The following PPARGC1A variants were observed in gnomAD, a reference collection of about 807,000 sequenced individuals.
The protein encoded by PPARGC1A is peroxisome proliferator-activated receptor gamma coactivator 1-alpha.
A neutral mutation model predicts 88.7 loss-of-function variants in PPARGC1A; 25 were observed. That is an observed-to-expected ratio of 0.28 (90% confidence interval 0.21 to 0.39). PPARGC1A has a LOEUF of 0.39. PPARGC1A is among the 10% of genes least tolerant of loss of function. The pLI is 1.00. For synonymous variants in PPARGC1A, 363 were observed against 355.6 expected (o/e 1.02, Z -0.24); for missense variants, 880 against 968.7 (o/e 0.91, Z 1.22).
chr4:24,471,839 C>A, the PPARGC1A span, among the ~76,000 whole-genome samples: 2 of 152,218 alleles, frequency 1.3e-5, no homozygotes, highest in African/African-American at 2.4e-5. The surrounding 1 kb of genome is among the most constrained non-coding windows in gnomAD (Gnocchi z 5.4). Flanking sequence ...ACCCCCCCCA[C>A]CTCCGCGGGT....
At chr4:24,096,046 G>A in the PPARGC1A span, among the ~76,000 whole-genome samples, 1,218 of 152,232 alleles carry the variant, frequency 8.0e-3, 11 homozygotes, top group Middle Eastern at 0.048. Flanking sequence ...TTGGAGGAGG[G>A]GCCTGGTAGG....
At chr4:23,942,917 C>T in the PPARGC1A span, among the ~76,000 whole-genome samples, 2 of 152,128 alleles carry the variant, frequency 1.3e-5, no homozygotes, top group African/African-American at 4.8e-5. Context: ...TTTCTCAGCA[C>T]AAAAAGTCAT....
the PPARGC1A span, among the ~76,000 whole-genome samples, chr4:24,203,709 C>T: frequency 2.0e-5 from 3 of 152,334 alleles, no homozygotes; most frequent in East Asian, 5.8e-4. Flanking sequence ...CAATGATGAA[C>T]CCCATTGTGA....
chr4:24,309,141 GA>G, the PPARGC1A span, among the ~76,000 whole-genome samples: 37,827 of 150,064 alleles, frequency 0.25, 5,345 homozygotes, highest in South Asian at 0.33. Flanking sequence ...AGTGTGGAAA[GA>G]AAAAAAAAGA....
At chr4:23,940,329 C>G in the PPARGC1A span, among the ~76,000 whole-genome samples, 1 of 152,062 alleles carries the variant, frequency 6.6e-6, no homozygotes, top group African/African-American at 2.4e-5. Context: ...CTACATGGAA[C>G]GCAGAAGAGA....
chr4:24,395,580 G>A, the PPARGC1A span, among the ~76,000 whole-genome samples: 1 of 152,276 alleles, frequency 6.6e-6, no homozygotes, highest in African/African-American at 2.4e-5. Context: ...GACAAAATGT[G>A]GAATTATCTA....
the PPARGC1A span, among the ~76,000 whole-genome samples, chr4:24,114,201 C>T: frequency 6.6e-6 from 1 of 151,424 alleles, no homozygotes; most frequent in South Asian, 2.1e-4. Context: ...ATGAACAAAC[C>T]CTGGGACCAC....
chr4:24,197,505 C>T, the PPARGC1A span, among the ~76,000 whole-genome samples: 37 of 152,318 alleles, frequency 2.4e-4, no homozygotes, highest in Non-Finnish European at 4.9e-4. Context: ...CACACCTTGA[C>T]AATCTGTCTT....
At chr4:23,901,369 C>CA (rs766239228), upstream of PPARGC1A, among the ~76,000 whole-genome samples, 1,101 of 71,618 alleles carry the variant, frequency 0.015, 28 homozygotes, top group African/African-American at 0.048. Flanking sequence ...GACTCCGTCT[C>CA]AAAAAAAAAA....
the PPARGC1A span, among the ~76,000 whole-genome samples, chr4:24,154,718 T>C: frequency 6.6e-6 from 1 of 152,298 alleles, no homozygotes; most frequent in South Asian, 2.1e-4. Flanking sequence ...ATGTGGGAGC[T>C]GGGAATTCAA....
At chr4:24,437,558 G>T in the PPARGC1A span, among the ~76,000 whole-genome samples, 3 of 152,124 alleles carry the variant, frequency 2.0e-5, no homozygotes, top group African/African-American at 7.2e-5. Context: ...GAAGGACTTT[G>T]AGTTAATTCT....
At chr4:23,927,914 T>C in the PPARGC1A span, among the ~76,000 whole-genome samples, 2 of 152,176 alleles carry the variant, frequency 1.3e-5, no homozygotes, top group African/African-American at 2.4e-5. Flanking sequence ...CCAATCAGAA[T>C]GCATCCTAGG....
the PPARGC1A span, among the ~76,000 whole-genome samples, chr4:24,293,751 G>A: frequency 6.6e-6 from 1 of 151,032 alleles, no homozygotes; most frequent in South Asian, 2.1e-4. Context: ...TTATTCCCCA[G>A]GCACCATCCC....
At chr4:24,072,586 C>T in the PPARGC1A span, among the ~76,000 whole-genome samples, 1 of 152,032 alleles carries the variant, frequency 6.6e-6, no homozygotes, top group African/African-American at 2.4e-5. Context: ...CCTCCAAGAT[C>T]AACAACCCCC....
At chr4:24,342,392 G>A in the PPARGC1A span, among the ~76,000 whole-genome samples, 1 of 152,188 alleles carries the variant, frequency 6.6e-6, no homozygotes, top group African/African-American at 2.4e-5. Flanking sequence ...GAGGCTAATA[G>A]AGGTTAGGGA....
chr4:24,016,087 T>C, the PPARGC1A span, among the ~76,000 whole-genome samples: 1 of 152,148 alleles, frequency 6.6e-6, no homozygotes. Flanking sequence ...TAGAACAATA[T>C]GAAGCCAAAA....
At chr4:24,144,906 G>A in the PPARGC1A span, among the ~76,000 whole-genome samples, 1 of 150,274 alleles carries the variant, frequency 6.7e-6, no homozygotes, top group Non-Finnish European at 1.5e-5. Context: ...CACTTTGCAA[G>A]CTCTGTGCAG....
chr4:24,206,898 A>G, the PPARGC1A span, among the ~76,000 whole-genome samples: 1 of 138,518 alleles, frequency 7.2e-6, no homozygotes, highest in Admixed American at 7.4e-5. Context: ...TTGCAATGTT[A>G]CATGTTTTAA....
At chr4:24,058,137 C>G in the PPARGC1A span, among the ~76,000 whole-genome samples, 3 of 152,166 alleles carry the variant, frequency 2.0e-5, no homozygotes, top group Non-Finnish European at 4.4e-5. Context: ...AAGCCCCGCC[C>G]CAGAGGGGTG....
Sources: allele counts gnomAD v4.1 joint callset (sites outside exome capture counted in the v4.1 genomes callset), GRCh38; gene constraint gnomAD v4.1.1; non-coding constraint Gnocchi (gnomAD v3.1); transcripts MANE v1.5; gene names NCBI Gene and HGNC (gene_info 2026-07-23, HGNC 2026-07-21).